FARP1: variants seen among roughly 807,000 people sequenced by gnomAD.
The protein encoded by FARP1 is FERM, ARH/RhoGEF and pleckstrin domain protein 1, also known as FERM, ARHGEF and pleckstrin domain-containing protein 1.
In FARP1, 52 loss-of-function variants were observed where a neutral mutation model predicts 128.8. That is an observed-to-expected ratio of 0.40 (90% CI 0.32 to 0.51). FARP1 has a LOEUF of 0.51. FARP1 is among the 20% of genes least tolerant of loss of function. FARP1 has a pLI of 0.45. For synonymous variants in FARP1, 580 were observed against 551.8 expected (o/e 1.05, Z -0.72); for missense variants, 1,333 against 1,367.9 (o/e 0.97, Z 0.40).
intron 13 of FARP1, chr13:98,396,105 ATT>A: frequency 5.0e-6 from 2 of 399,142 alleles, no homozygotes; most frequent in East Asian, 7.1e-5. Context: ...GCCAGGTAGC[ATT>A]TACCCCGGAG....
At chr13:98,182,815 A>G (rs1399790881) in intron 1 of FARP1, among the ~76,000 whole-genome samples, 2 of 152,170 alleles carry the variant, frequency 1.3e-5, no homozygotes, top group African/African-American at 4.8e-5. Flanking sequence ...TTAGCACTGG[A>G]TATTTCTGGA....
chr13:98,290,175 C>G (rs577416971), intron 2 of FARP1, among the ~76,000 whole-genome samples: 1 of 151,650 alleles, frequency 6.6e-6, no homozygotes, highest in Admixed American at 6.6e-5. Context: ...TGGGAACTTA[C>G]GTTCCAGTAC....
In FARP1 at chr13:98,161,419, G is replaced by C. The variant is rs149341965; in HGVS notation, c.-24+17927G>C. On this transcript the variant is annotated intron_variant, in intron 1 of 26. Transcript: ENST00000319562. ...TTTAGTAGAGACGGGGTTTCACCATGTTAGCAAGGCTGGTCTCGATCTCCT... is the reference window on the plus strand; with the variant it reads ...TTTAGTAGAGACGGGGTTTCACCATCTTAGCAAGGCTGGTCTCGATCTCCT... Among the ~76,000 whole-genome samples the C allele has an allele frequency of 2.8e-3, 428 of 152,064 alleles. 2 individuals are homozygous for C. Among genetic ancestry groups the C allele is most frequent in the African/African-American group, 9.9e-3 (409 of 41,504 alleles).
chr13:98,177,096 G>C (rs1207482065), intron 1 of FARP1: 21 of 1,599,888 alleles, frequency 1.3e-5, no homozygotes, highest in Non-Finnish European at 1.7e-5. Context: ...CCCCGCTGCT[G>C]CTGCTCTCTC....
intron 2 of FARP1, among the ~76,000 whole-genome samples, chr13:98,306,620 T>TC (rs1371712752): frequency 4.6e-5 from 7 of 152,100 alleles, no homozygotes; most frequent in Non-Finnish European, 8.8e-5. Context: ...GCTTGATCAG[T>TC]CCTTCTGCCT....
intron 2 of FARP1, among the ~76,000 whole-genome samples, chr13:98,304,752 A>G (rs1488609857): frequency 6.6e-6 from 1 of 152,238 alleles, no homozygotes; most frequent in African/African-American, 2.4e-5. Flanking sequence ...CTCACAGCTC[A>G]TGCCTCCCTG....
At chr13:98,164,124 C>T (rs1877077105) in intron 1 of FARP1, among the ~76,000 whole-genome samples, 1 of 152,146 alleles carries the variant, frequency 6.6e-6, no homozygotes, top group Admixed American at 6.5e-5. Flanking sequence ...CTGTGAATGC[C>T]TTACTTTTAA....
intron 26 of FARP1, chr13:98,448,030 C>T (rs1302782452): frequency 1.0e-5 from 6 of 596,458 alleles, no homozygotes; most frequent in Admixed American, 5.8e-5. Flanking sequence ...CTTCCAGCTC[C>T]ACACTGAGTG....
chr13:98,200,242 A>C (rs764981840), intron 1 of FARP1, among the ~76,000 whole-genome samples: 1 of 152,160 alleles, frequency 6.6e-6, no homozygotes, highest in Non-Finnish European at 1.5e-5. Context: ...TGGGGAAGTT[A>C]CCTAACCAAG....
At chr13:98,368,286 A>G (rs1434751439) in intron 5 of FARP1, 91 bp downstream of exon 5, 2 of 940,662 alleles carry the variant, frequency 2.1e-6, no homozygotes, top group African/African-American at 1.6e-5. Context: ...AAACATTTTC[A>G]TAATGTTTAC....
intron 1 of FARP1, among the ~76,000 whole-genome samples, chr13:98,193,537 T>G (rs1879377874): frequency 6.6e-6 from 1 of 152,338 alleles, no homozygotes; most frequent in Middle Eastern, 3.4e-3. Context: ...TATCCAAAAA[T>G]AGGGCTTGCA....
At chr13:98,293,640 C>T (rs1885541877) in intron 2 of FARP1, among the ~76,000 whole-genome samples, 1 of 152,182 alleles carries the variant, frequency 6.6e-6, no homozygotes, top group Non-Finnish European at 1.5e-5. Flanking sequence ...ATCGAAATTT[C>T]CATGATCACA....
chr13:98,257,444 T>G (rs949799294), intron 2 of FARP1, among the ~76,000 whole-genome samples: 3 of 139,056 alleles, frequency 2.2e-5, no homozygotes, highest in Non-Finnish European at 4.6e-5. Flanking sequence ...TTCTGCACTA[T>G]CTATTATACA....
Position 98,248,951 on chromosome 13 carries a change from A to C in FARP1, c.171+35538A>C, listed in dbSNP as rs1354402497. Among the ~76,000 whole-genome samples, 3 of 152,164 alleles carry C rather than the reference A, an allele frequency of 2.0e-5. No individual in the cohort carries two copies. The South Asian group carries it at 6.2e-4, about 32-fold the overall frequency. On this transcript the variant is annotated intron_variant, in intron 2 of 26. Transcript: ENST00000319562. ...GGTGTTAGGGAAGCTTCATTTAGGC[A>C]TAAGTTCTAGTGCTACTTACTGGCC...
At chr13:98,396,264 G>C in intron 13 of FARP1, 1 of 399,200 alleles carries the variant, frequency 2.5e-6, no homozygotes, top group Non-Finnish European at 4.4e-6. Flanking sequence ...GAGGCATGGC[G>C]GGGCAGCTGG....
intron 13 of FARP1, chr13:98,395,737 G>T: frequency 2.4e-6 from 1 of 423,772 alleles, no homozygotes; most frequent in South Asian, 9.3e-5. Flanking sequence ...TCCTTCCGGA[G>T]AATTCCTTGA....
At chr13:98,379,061 TATA>T (rs1889747407) in intron 6 of FARP1, among the ~76,000 whole-genome samples, 1 of 94,058 alleles carries the variant, frequency 1.1e-5, no homozygotes, top group African/African-American at 5.0e-5. Context: ...CTATATATAA[TATA>T]TAATATATGT....
At chr13:98,416,800 G>T (rs1891391143) in intron 16 of FARP1, among the ~76,000 whole-genome samples, 1 of 152,122 alleles carries the variant, frequency 6.6e-6, no homozygotes, top group Non-Finnish European at 1.5e-5. Context: ...AGAGTGCCTT[G>T]GTAGATTCTG....
chr13:98,212,814 C>T (rs1452017721), intron 1 of FARP1, among the ~76,000 whole-genome samples: 1 of 152,076 alleles, frequency 6.6e-6, no homozygotes, highest in Non-Finnish European at 1.5e-5. Flanking sequence ...CTTTAGAATA[C>T]CCACAGTACT....
Sources: allele counts gnomAD v4.1 joint callset (sites outside exome capture counted in the v4.1 genomes callset), GRCh38; gene constraint gnomAD v4.1.1; transcripts MANE v1.5; gene names NCBI Gene and HGNC (gene_info 2026-07-23, HGNC 2026-07-21).